LUZP2: variants seen among roughly 807,000 people sequenced by gnomAD.
LUZP2 encodes the protein leucine zipper protein 2.
A neutral mutation model predicts 51.6 loss-of-function variants in LUZP2; 52 were observed. The ratio of observed to expected loss-of-function variants is 1.01; its 90% CI spans 0.81 to 1.27. LUZP2 has a LOEUF of 1.27. LUZP2 is among the 50% of genes most tolerant of loss of function. The pLI is 0.00. For missense variants in LUZP2, 436 were observed against 395.4 expected (o/e 1.10, Z -0.87); for synonymous variants, 154 against 137.3 (o/e 1.12, Z -0.85).
chr11:25,000,707 G>A (rs1856660006), intron 9 of LUZP2, among the ~76,000 whole-genome samples: 1 of 152,102 alleles, frequency 6.6e-6, no homozygotes, highest in South Asian at 2.1e-4. Context: ...AACACCGGGT[G>A]GCATCTCTTA....
At chr11:24,898,421 A>G (rs143805056) in intron 5 of LUZP2, among the ~76,000 whole-genome samples, 4,772 of 152,282 alleles carry the variant, frequency 0.031, 99 homozygotes, top group Non-Finnish European at 0.044. Context: ...TCAGGAGATC[A>G]AGACCATCCT....
intron 1 of LUZP2, among the ~76,000 whole-genome samples, chr11:24,515,793 G>A (rs1313435227): frequency 1.3e-5 from 2 of 152,136 alleles, no homozygotes; most frequent in East Asian, 3.9e-4. Context: ...AAAAACAGCA[G>A]GCTCTGTGCA....
chr11:24,950,389 A>G (rs1229182242), intron 7 of LUZP2, among the ~76,000 whole-genome samples: 2 of 151,802 alleles, frequency 1.3e-5, no homozygotes, highest in East Asian at 3.9e-4. Flanking sequence ...TTAATTATCC[A>G]GTTGTGAATG....
chr11:24,820,685 A>T (rs1564938402), intron 5 of LUZP2, among the ~76,000 whole-genome samples: 1 of 152,142 alleles, frequency 6.6e-6, no homozygotes, highest in Admixed American at 6.5e-5. Context: ...GGAAATATGG[A>T]AAAATGGGGG....
At chr11:24,985,859 C>A (rs1172228956) in intron 9 of LUZP2, among the ~76,000 whole-genome samples, 2 of 151,450 alleles carry the variant, frequency 1.3e-5, no homozygotes, top group Non-Finnish European at 3.0e-5. Context: ...GATATCATCA[C>A]AATGAATAGG....
At chr11:24,619,187 C>T (rs1854405793) in intron 1 of LUZP2, among the ~76,000 whole-genome samples, 1 of 152,060 alleles carries the variant, frequency 6.6e-6, no homozygotes, top group Non-Finnish European at 1.5e-5. Context: ...CACCGCCATG[C>T]CTGGCTAATT....
chr11:24,709,549 C>T (rs552406435), intron 1 of LUZP2, among the ~76,000 whole-genome samples: 5 of 152,000 alleles, frequency 3.3e-5, no homozygotes, highest in Non-Finnish European at 5.9e-5. Flanking sequence ...TTATCATATG[C>T]CTATTTAGTG....
intron 10 of LUZP2, among the ~76,000 whole-genome samples, chr11:25,062,712 C>T (rs998020165): frequency 8.7e-5 from 13 of 150,088 alleles, no homozygotes; most frequent in African/African-American, 1.2e-4. Flanking sequence ...TTGACAATAC[C>T]GAGTTTAATA....
intron 5 of LUZP2, among the ~76,000 whole-genome samples, chr11:24,859,066 G>T (rs532619211): frequency 6.6e-6 from 1 of 152,208 alleles, no homozygotes. Context: ...CCCATTATTA[G>T]GTTCATGGCT....
chr11:24,958,294 C>T (rs1018262157), intron 7 of LUZP2, among the ~76,000 whole-genome samples: 7 of 152,202 alleles, frequency 4.6e-5, no homozygotes, highest in Non-Finnish European at 7.4e-5. Flanking sequence ...GGTCAAATGG[C>T]ATTTCTAGTT....
intron 9 of LUZP2, among the ~76,000 whole-genome samples, chr11:25,046,363 A>G (rs963326658): frequency 1.3e-5 from 2 of 152,124 alleles, no homozygotes; most frequent in African/African-American, 4.8e-5. Context: ...ACTGTTGTAG[A>G]GCGGATGCAT....
At chr11:24,940,159 A>G (rs1590754645) in intron 7 of LUZP2, among the ~76,000 whole-genome samples, 2 of 152,298 alleles carry the variant, frequency 1.3e-5, no homozygotes, top group East Asian at 3.9e-4. Context: ...CAAAAAACAC[A>G]CACATTGAAA....
chr11:24,638,277 G>A (rs966397335), intron 1 of LUZP2, among the ~76,000 whole-genome samples: 3 of 151,318 alleles, frequency 2.0e-5, no homozygotes, highest in African/African-American at 7.3e-5. Context: ...TTATAAAATC[G>A]ATTATACATT....
At chr11:24,943,607 G>T (rs1854818138) in intron 7 of LUZP2, among the ~76,000 whole-genome samples, 1 of 152,116 alleles carries the variant, frequency 6.6e-6, no homozygotes, top group Non-Finnish European at 1.5e-5. Context: ...GCTGGTCATG[G>T]TGGCTCATGC....
intron 5 of LUZP2, among the ~76,000 whole-genome samples, chr11:24,778,091 G>A (rs987519391): frequency 2.0e-5 from 3 of 151,864 alleles, no homozygotes; most frequent in South Asian, 4.2e-4. Flanking sequence ...AAAATGGTGC[G>A]AAGATTTTCT....
At chr11:24,693,331 A>T (rs1034906233) in intron 1 of LUZP2, among the ~76,000 whole-genome samples, 3 of 151,552 alleles carry the variant, frequency 2.0e-5, no homozygotes, top group Non-Finnish European at 4.4e-5. Flanking sequence ...GAGGCAGCTG[A>T]TCTTTTTCAC....
At chr11:24,524,359 G>A (rs577166928) in intron 1 of LUZP2, among the ~76,000 whole-genome samples, 1 of 151,806 alleles carries the variant, frequency 6.6e-6, no homozygotes, top group South Asian at 2.1e-4. Flanking sequence ...TCATGAGAAC[G>A]CAAGTTTTGG....
chr11:24,791,580 G>A (rs1276143164), intron 5 of LUZP2, among the ~76,000 whole-genome samples: 1 of 151,926 alleles, frequency 6.6e-6, no homozygotes, highest in African/African-American at 2.4e-5. Context: ...CTACTTGCAT[G>A]TAAAGCAGCT....
intron 5 of LUZP2, among the ~76,000 whole-genome samples, chr11:24,789,055 A>C (rs1209536948): frequency 6.6e-6 from 1 of 152,186 alleles, no homozygotes; most frequent in Non-Finnish European, 1.5e-5. Flanking sequence ...TTTCATCAAG[A>C]AAACAGAAGG....
Sources: gnomAD v4.1 joint callset for allele counts (sites outside exome capture counted in the v4.1 genomes callset) on GRCh38, gnomAD v4.1.1 for gene constraint, MANE v1.5 for transcripts, NCBI Gene and HGNC (gene_info 2026-07-23, HGNC 2026-07-21) for gene names.